Variants in NHSL1 observed in about 807,000 individuals in gnomAD.
NHSL1 encodes NHS-like protein 1.
A neutral mutation model predicts 95.0 loss-of-function variants in NHSL1; 48 were observed. The observed-to-expected ratio is 0.51, with a 90% CI of 0.40 to 0.64. The LOEUF (loss-of-function observed/expected upper bound fraction) is 0.64, where lower values mean the gene tolerates loss of function less well. Ranked by LOEUF, NHSL1 falls within the 30% of genes least tolerant of loss-of-function variation. The probability of loss-of-function intolerance (pLI) is 0.00; values close to 1 mark genes in which losing one functional copy is unlikely to be tolerated. For missense variants in NHSL1, 1,971 were observed against 2,077.7 expected (o/e 0.95, Z 1.00); for synonymous variants, 783 against 833.9 (o/e 0.94, Z 1.05).
chr6:138,576,087 G>A (rs1440596666), upstream of NHSL1, among the ~76,000 whole-genome samples: 1 of 152,098 alleles, frequency 6.6e-6, no homozygotes, highest in Non-Finnish European at 1.5e-5. Context: ...CGCCTCCCGG[G>A]TTTAAGCGAT....
At chr6:138,539,514 A>G (rs955951666) in intron 1 of NHSL1, among the ~76,000 whole-genome samples, 3 of 152,216 alleles carry the variant, frequency 2.0e-5, no homozygotes, top group African/African-American at 7.2e-5. Flanking sequence ...AAGGAGTTCA[A>G]TATGGCTTAG....
At chr6:138,664,968 A>T (rs1456334121) in intron 1 of NHSL1, among the ~76,000 whole-genome samples, 1 of 152,226 alleles carries the variant, frequency 6.6e-6, no homozygotes, top group Non-Finnish European at 1.5e-5. Context: ...ATGAAAAAAA[A>T]CTTGCTTCAC....
At position 138,499,296 on chromosome 6, in the gene NHSL1, G is replaced by A. The variant is rs544765304; in HGVS notation, c.-6C>T. On this transcript the variant is annotated 5_prime_UTR_variant, in exon 1 of 8. Coordinates refer to ENST00000343505, the MANE Select transcript of NHSL1 (RefSeq NM_001144060.2). Reference sequence around the variant, plus strand: ...GCATTAATGAAGACCACCATTTCCAGGGCACCTACATAGAGCTTAGAAATG... The same window carrying A: ...GCATTAATGAAGACCACCATTTCCAAGGCACCTACATAGAGCTTAGAAATG... 5 of 1,550,614 alleles carry A rather than the reference G, an allele frequency of 3.2e-6. No individual in the cohort carries two copies. Among genetic ancestry groups the A allele is most frequent in the Admixed American group, 2.0e-5 (1 of 50,968 alleles).
intron 1 of NHSL1, among the ~76,000 whole-genome samples, chr6:138,632,633 T>C (rs1301793859): frequency 6.6e-6 from 1 of 152,196 alleles, no homozygotes. Flanking sequence ...TCTACGAGTC[T>C]GAAAGAACCA....
chr6:138,428,445 T>A (rs1452663674), intron 7 of NHSL1, among the ~76,000 whole-genome samples: 2 of 152,218 alleles, frequency 1.3e-5, no homozygotes, highest in African/African-American at 2.4e-5. Flanking sequence ...TTTCTCTGTT[T>A]TGAGAAATAA....
intron 1 of NHSL1, among the ~76,000 whole-genome samples, chr6:138,520,382 G>C (rs970101539): frequency 3.5e-5 from 5 of 141,900 alleles, no homozygotes; most frequent in African/African-American, 1.3e-4. Flanking sequence ...TCTGCCTCCC[G>C]GGTTCAAGCA....
At chr6:138,443,220 TAATCA>T (rs1776645124) in intron 4 of NHSL1, among the ~76,000 whole-genome samples, 1 of 152,222 alleles carries the variant, frequency 6.6e-6, no homozygotes, top group Admixed American at 6.5e-5. Context: ...GAACCTTATC[TAATCA>T]AAACAGAGAA....
intron 1 of NHSL1, among the ~76,000 whole-genome samples, chr6:138,664,232 C>T (rs7775038): frequency 0.042 from 6,364 of 152,280 alleles, 346 homozygotes; most frequent in African/African-American, 0.13. Context: ...TAATGTTTCT[C>T]CTTTTCATTT....
At chr6:138,613,451 AG>A (rs1323671290) in intron 1 of NHSL1, among the ~76,000 whole-genome samples, 9 of 152,186 alleles carry the variant, frequency 5.9e-5, no homozygotes, top group African/African-American at 1.9e-4. Flanking sequence ...ATGCAGGCAA[AG>A]GCTCTTTTTC....
At chr6:138,658,858 T>C (rs905032026) in intron 1 of NHSL1, among the ~76,000 whole-genome samples, 9 of 152,112 alleles carry the variant, frequency 5.9e-5, no homozygotes, top group African/African-American at 1.9e-4. Context: ...GGACTTTTCT[T>C]ACGTTTTGTT....
rs532881273 is a variant in NHSL1, at chr6:138,509,058, T to C, written c.17-12687A>G. On this transcript the variant is annotated intron_variant, in intron 1 of 4. Transcript: ENST00000342260. ...ATATTGATGAACTCAACTGTAAAGTTAACTCACTTGGCCTTTCCCAATTCA... is the reference window on the plus strand; with the variant it reads ...ATATTGATGAACTCAACTGTAAAGTCAACTCACTTGGCCTTTCCCAATTCA... 2.6e-4 allele frequency among the ~76,000 whole-genome samples: 39 copies of C among 152,318 alleles called. No individual in the cohort carries two copies. The Middle Eastern group carries it at 0.01, about 40-fold the overall frequency.
At chr6:138,581,259 G>C (rs1331389134) in intron 1 of NHSL1, among the ~76,000 whole-genome samples, 1 of 152,078 alleles carries the variant, frequency 6.6e-6, no homozygotes, top group African/African-American at 2.4e-5. Context: ...GAGATTTTTT[G>C]CACTCGTACT....
chr6:138,685,635 G>C (rs1275853830), intron 1 of NHSL1, among the ~76,000 whole-genome samples: 2 of 152,068 alleles, frequency 1.3e-5, no homozygotes, highest in Admixed American at 1.3e-4. Flanking sequence ...AGGATTGCTT[G>C]AGGCCAGAGT....
intron 3 of NHSL1, among the ~76,000 whole-genome samples, chr6:138,471,798 C>T (rs1472619579): frequency 6.6e-6 from 1 of 152,196 alleles, no homozygotes. Context: ...ATACGTTAGT[C>T]TGATTTAATC....
chr6:138,510,338 C>A (rs1781161160), intron 1 of NHSL1, among the ~76,000 whole-genome samples: 1 of 152,138 alleles, frequency 6.6e-6, no homozygotes, highest in Non-Finnish European at 1.5e-5. Flanking sequence ...CAAATTAGAC[C>A]ATTTTGGTTT....
Position 138,429,966 on chromosome 6 carries a change from G to A in NHSL1, c.3953-123C>T, listed in dbSNP as rs190133289. 49 of 955,870 alleles carry A rather than the reference G, an allele frequency of 5.1e-5. No individual in the cohort carries two copies. In the South Asian group the frequency reaches 6.1e-4, roughly 12 times the overall value. 59.2% of individuals were successfully genotyped at this position (955,870 alleles called of 1,614,324 possible). On this transcript the variant is annotated intron_variant, in intron 6 of 7. Transcript: ENST00000343505. ...AATGTGAGAACCACAGGGAGATGCC[G>A]TGGGTCTGTAGTTTGATAGTTTACA... is the stretch of plus-strand genomic sequence containing the variant.
chr6:138,511,040 G>T (rs558735749), intron 1 of NHSL1, among the ~76,000 whole-genome samples: 12 of 152,216 alleles, frequency 7.9e-5, no homozygotes, highest in Admixed American at 6.5e-4. Context: ...GGCCCACACA[G>T]AATCTGAGAA....
At chr6:138,497,479 A>G (rs866087500) in intron 1 of NHSL1, among the ~76,000 whole-genome samples, 29 of 152,224 alleles carry the variant, frequency 1.9e-4, no homozygotes, top group African/African-American at 5.3e-4. Flanking sequence ...CATGTCCCCA[A>G]CATAACATGT....
chr6:138,602,399 T>C (rs1266883026), intron 1 of NHSL1, among the ~76,000 whole-genome samples: 1 of 152,180 alleles, frequency 6.6e-6, no homozygotes, highest in African/African-American at 2.4e-5. Flanking sequence ...TGGAGTGTAG[T>C]GGTACTATCT....
Sources: gnomAD v4.1 joint callset for allele counts (sites outside exome capture counted in the v4.1 genomes callset) on GRCh38, gnomAD v4.1.1 for gene constraint, MANE v1.5 for transcripts, NCBI Gene and HGNC (gene_info 2026-07-23, HGNC 2026-07-21) for gene names.